The following MTFR1 variants were observed in gnomAD, a reference collection of about 807,000 sequenced individuals.
MTFR1 encodes the protein mitochondrial fission regulator 1.
Under a neutral mutation model 38.8 loss-of-function variants are expected in MTFR1, and 28 were observed. That is an observed-to-expected ratio of 0.72 (90% CI 0.53 to 0.99). The LOEUF (loss-of-function observed/expected upper bound fraction) is 0.99, where lower values mean the gene tolerates loss of function less well. Ranked by LOEUF, MTFR1 falls within the 50% of genes least tolerant of loss-of-function variation. The pLI, the probability that MTFR1 is intolerant of heterozygous loss-of-function variation, is 0.00. For synonymous variants in MTFR1, 145 were observed against 137.0 expected (o/e 1.06, Z -0.41); for missense variants, 358 against 395.5 (o/e 0.91, Z 0.81).
At chr8:65,745,530 G>T (rs80209446) in intron 3 of MTFR1, 19,742 of 916,070 alleles carry the variant, frequency 0.022, 246 homozygotes, top group Admixed American at 0.028. Context: ...GTCTTTTGGA[G>T]ATATTCCATA....
chr8:65,668,274 A>G lies in MTFR1; in HGVS notation c.-80-1599A>G, dbSNP rs1804453095. On this transcript the variant is annotated intron_variant, in intron 1 of 7. Coordinates refer to ENST00000262146, the MANE Select transcript of MTFR1 (RefSeq NM_014637.4). Reference sequence around the variant, plus strand: ...CTCACTGCAACCCCCACCTCCCGGGATCAAGTGATTTTCCTGCCTCAGCCT... The same window carrying G: ...CTCACTGCAACCCCCACCTCCCGGGGTCAAGTGATTTTCCTGCCTCAGCCT... 5.5e-5 allele frequency among the ~76,000 whole-genome samples: 8 copies of G among 145,586 alleles called. No individual in the cohort carries two copies. The Admixed American group carries it at 5.7e-4, about 10-fold the overall frequency.
intron 4 of MTFR1, among the ~76,000 whole-genome samples, chr8:65,703,419 G>GTTTTTTTTTGT (rs1805675000): frequency 2.0e-5 from 1 of 50,940 alleles, no homozygotes; most frequent in African/African-American, 8.1e-5. Context: ...GATGTCTCTG[G>GTTTTTTTTTGT]TTTTTTTTTT....
chr8:65,712,839 C>G (rs1805990477), downstream of MTFR1, among the ~76,000 whole-genome samples: 1 of 152,210 alleles, frequency 6.6e-6, no homozygotes, highest in Non-Finnish European at 1.5e-5. Context: ...ACTATCCTTT[C>G]TAGTATTTCC....
chr8:65,732,728 T>G (rs75342066), intron 3 of MTFR1, among the ~76,000 whole-genome samples: 9,965 of 152,258 alleles, frequency 0.065, 350 homozygotes, highest in Non-Finnish European at 0.079. Flanking sequence ...GCCCAGGTTG[T>G]TCTCAAACTC....
intron 1 of MTFR1, among the ~76,000 whole-genome samples, chr8:65,664,862 A>G (rs1483694860): frequency 6.6e-6 from 1 of 151,820 alleles, no homozygotes; most frequent in African/African-American, 2.4e-5. Context: ...TGCTGGGATT[A>G]CAGGCGTGAG....
At chr8:65,679,002 C>T (rs1449921980) in intron 2 of MTFR1, among the ~76,000 whole-genome samples, 1 of 152,168 alleles carries the variant, frequency 6.6e-6, no homozygotes, top group East Asian at 1.9e-4. Context: ...CTGCAACATG[C>T]GTAGTGAAGA....
At chr8:65,778,479 C>T in the MTFR1 span, among the ~76,000 whole-genome samples, 1 of 152,138 alleles carries the variant, frequency 6.6e-6, no homozygotes, top group Non-Finnish European at 1.5e-5. Flanking sequence ...CTGTCTGAAC[C>T]ATTCCAATCA....
In MTFR1 at chr8:65,652,193, G is replaced by GCCTC. The variant is rs1187796634; in HGVS notation, c.-81+7412_-81+7415dup. On this transcript the variant is annotated intron_variant, in intron 1 of 7. Coordinates refer to ENST00000262146, the MANE Select transcript of MTFR1 (RefSeq NM_014637.4). ...GCTATCTCAGCTCACTCCAACCTCTGCCTCCCAGGTTCAAGCAACTCTCGT... is the reference window on the plus strand; with the variant it reads ...GCTATCTCAGCTCACTCCAACCTCTGCCTCCCTCCCAGGTTCAAGCAACTCTCGT... 4.6e-5 allele frequency among the ~76,000 whole-genome samples: 7 copies of GCCTC among 152,000 alleles called. No individual in the cohort carries two copies. In the East Asian group the frequency reaches 1.3e-3, roughly 29 times the overall value.
At chr8:65,644,516 C>T (rs1392741053), upstream of MTFR1, among the ~76,000 whole-genome samples, 1 of 152,256 alleles carries the variant, frequency 6.6e-6, no homozygotes, top group Non-Finnish European at 1.5e-5. Flanking sequence ...ACGGTGAAGG[C>T]ACAAAGCAAG....
intron 1 of MTFR1, among the ~76,000 whole-genome samples, chr8:65,652,166 G>A (rs941554644): frequency 1.4e-4 from 21 of 152,070 alleles, no homozygotes; most frequent in African/African-American, 5.1e-4. Context: ...GGGTGCAGTG[G>A]TGCTATCTCA....
intron 3 of MTFR1, chr8:65,724,955 G>A: frequency 7.0e-7 from 1 of 1,424,044 alleles, no homozygotes; most frequent in Non-Finnish European, 9.6e-7. Context: ...GAAAATATAA[G>A]ACTTTCAATT....
intron 1 of MTFR1, among the ~76,000 whole-genome samples, chr8:65,645,133 G>A (rs1295136231): frequency 6.6e-6 from 1 of 152,120 alleles, no homozygotes; most frequent in African/African-American, 2.4e-5. Flanking sequence ...CGGTTCCCGC[G>A]CCGGCCGCCA....
chr8:65,693,198 C>T (rs1465699150), intron 3 of MTFR1, among the ~76,000 whole-genome samples: 5 of 151,970 alleles, frequency 3.3e-5, no homozygotes, highest in Non-Finnish European at 5.9e-5. Flanking sequence ...GTCAGGCGTT[C>T]GAGACCCGCC....
intron 3 of MTFR1, among the ~76,000 whole-genome samples, chr8:65,690,808 C>T (rs1805253796): frequency 2.0e-5 from 3 of 152,080 alleles, no homozygotes; most frequent in Admixed American, 1.3e-4. Context: ...AGATTTTAGT[C>T]TTAGGATTTG....
At chr8:65,672,206 G>A (rs1030769997) in intron 2 of MTFR1, among the ~76,000 whole-genome samples, 5 of 152,158 alleles carry the variant, frequency 3.3e-5, no homozygotes, top group Admixed American at 6.5e-5. Flanking sequence ...GCATATAATC[G>A]TAAACTTTAA....
At chr8:65,752,512 T>C (rs1585872219) in intron 3 of MTFR1, among the ~76,000 whole-genome samples, 1 of 152,212 alleles carries the variant, frequency 6.6e-6, no homozygotes, top group Non-Finnish European at 1.5e-5. Flanking sequence ...ACTTGCAAAA[T>C]CTGAGGCAAA....
intron 2 of MTFR1, among the ~76,000 whole-genome samples, chr8:65,671,068 C>T (rs1804557952): frequency 6.6e-6 from 1 of 152,096 alleles, no homozygotes. Flanking sequence ...CCCCAACTTC[C>T]AAGGTTACAT....
At chr8:65,730,139 CTG>C (rs1464251601) in intron 3 of MTFR1, among the ~76,000 whole-genome samples, 1 of 140,472 alleles carries the variant, frequency 7.1e-6, no homozygotes, top group Admixed American at 7.2e-5. Context: ...CTATTGTAAA[CTG>C]TGCATGTGAG....
At chr8:65,744,153 G>T (rs1057422071) in intron 3 of MTFR1, among the ~76,000 whole-genome samples, 1 of 151,932 alleles carries the variant, frequency 6.6e-6, no homozygotes, top group African/African-American at 2.4e-5. Flanking sequence ...GCTTTTACCA[G>T]TGAATAAGAA....
Sources: allele counts gnomAD v4.1 joint callset (sites outside exome capture counted in the v4.1 genomes callset), GRCh38; gene constraint gnomAD v4.1.1; transcripts MANE v1.5; gene names NCBI Gene and HGNC (gene_info 2026-07-23, HGNC 2026-07-21).